Variants in PTN observed in about 807,000 individuals in gnomAD.
The protein encoded by PTN is heparin affin regulatory protein.
PTN carries 18 observed loss-of-function variants against 24.1 expected under a neutral mutation model. That is an observed-to-expected ratio of 0.75 (90% CI 0.52 to 1.11). The LOEUF (loss-of-function observed/expected upper bound fraction) is 1.11, where lower values mean the gene tolerates loss of function less well. Among genes scored for constraint, PTN ranks in the 50% least tolerant of loss-of-function variants. PTN has a pLI of 0.00. For missense variants in PTN, 163 were observed against 198.8 expected, an observed-to-expected ratio of 0.82 and a Z score of 1.08; for synonymous variants, 78 against 68.6, an observed-to-expected ratio of 1.14 and a Z score of -0.67.
chr7:137,268,054 G>C (rs899056403), intron 1 of PTN, among the ~76,000 whole-genome samples: 2 of 152,054 alleles, frequency 1.3e-5, no homozygotes, highest in Admixed American at 6.5e-5. Flanking sequence ...CAAATGAGTG[G>C]GCAAGTTCCA....
chr7:137,306,507 C>A (rs928364045), intron 1 of PTN, among the ~76,000 whole-genome samples: 5 of 151,996 alleles, frequency 3.3e-5, no homozygotes, highest in African/African-American at 9.7e-5. Flanking sequence ...AGTTTCCCAC[C>A]CCCTGGGAGC....
chr7:137,292,855 G>GT (rs1277480117), intron 1 of PTN, among the ~76,000 whole-genome samples: 1 of 152,156 alleles, frequency 6.6e-6, no homozygotes, highest in Non-Finnish European at 1.5e-5. Context: ...TTAGGGTCAA[G>GT]TGGGTGGGTG....
intron 1 of PTN, among the ~76,000 whole-genome samples, chr7:137,269,624 A>ATT (rs869311084): frequency 0.051 from 3,187 of 63,052 alleles, 749 homozygotes; most frequent in East Asian, 0.12. Context: ...TGCTTCATCT[A>ATT]TTTTTTTTTT....
chr7:137,301,412 A>C (rs1292953597), intron 1 of PTN, among the ~76,000 whole-genome samples: 2 of 151,960 alleles, frequency 1.3e-5, no homozygotes, highest in Non-Finnish European at 2.9e-5. Flanking sequence ...CATCATGGAC[A>C]ACTATGACAG....
At chr7:137,236,123 T>G (rs116953599) in intron 4 of PTN, 12,442 of 700,860 alleles carry the variant, frequency 0.018, 199 homozygotes, top group South Asian at 0.048. Flanking sequence ...AATATGTCAG[T>G]TATTTTTCAA....
Position 137,279,985 on chromosome 7 carries a change from A to C in PTN, c.-1-25011T>G, listed in dbSNP as rs570815657. Among the ~76,000 whole-genome samples, 8 of 152,334 alleles carry C rather than the reference A, an allele frequency of 5.3e-5. No homozygotes were observed. The South Asian group carries it at 1.7e-3, about 32-fold the overall frequency. ...TTATTGGACTTATCAAATTAATTGA[A>C]TATTTGATGAAAGGAGAAATCTAGG... On this transcript the variant is annotated intron_variant, in intron 1 of 4. Transcript: ENST00000348225.
intron 1 of PTN, among the ~76,000 whole-genome samples, chr7:137,281,191 A>G (rs1291680499): frequency 6.6e-6 from 1 of 152,166 alleles, no homozygotes; most frequent in African/African-American, 2.4e-5. Flanking sequence ...CATAGAATAT[A>G]AAGGAAAAGA....
chr7:137,340,893 T>C (rs1453526227), intron 1 of PTN, among the ~76,000 whole-genome samples: 1 of 152,144 alleles, frequency 6.6e-6, no homozygotes, highest in African/African-American at 2.4e-5. Context: ...CTGAGAGAAG[T>C]CAAGAACAAC....
chr7:137,340,424 T>A (rs1448825743), intron 1 of PTN, among the ~76,000 whole-genome samples: 2 of 152,228 alleles, frequency 1.3e-5, no homozygotes, highest in Non-Finnish European at 2.9e-5. Context: ...CTAGACTGGC[T>A]TGAAGTGGAT....
At chr7:137,242,323 T>C (rs1190147019) in intron 4 of PTN, among the ~76,000 whole-genome samples, 2 of 152,074 alleles carry the variant, frequency 1.3e-5, no homozygotes, top group Non-Finnish European at 1.5e-5. Flanking sequence ...CAGAAATAGC[T>C]GGAAAGGAAG....
chr7:137,266,404 T>C (rs1809145555), intron 1 of PTN, among the ~76,000 whole-genome samples: 1 of 152,212 alleles, frequency 6.6e-6, no homozygotes, highest in Non-Finnish European at 1.5e-5. Flanking sequence ...AAACTGTTTC[T>C]TCAATAGTAC....
Position 137,227,501 on chromosome 7 carries a change from T to C in PTN, c.*519A>G, listed in dbSNP as rs2128866497. 6.6e-6 allele frequency: 1 copy of C among 151,830 alleles called. No individual in the cohort carries two copies. The highest frequency in any genetic ancestry group is 2.1e-4 in the South Asian group (1 of 4,818). The allele number at this position is 151,830 out of a possible 1,614,324, so 9.4% of individuals were successfully genotyped here. On this transcript the variant is annotated 3_prime_UTR_variant, in exon 5 of 5. Transcript: ENST00000348225. ...AAAAAGTCAACATTGAACTAGGACA[T>C]GCTCTGCTTCCCCACCCCCATTTTG... is the stretch of plus-strand genomic sequence containing the variant.
intron 1 of PTN, among the ~76,000 whole-genome samples, chr7:137,263,846 G>T (rs913727414): frequency 6.6e-6 from 1 of 152,008 alleles, no homozygotes; most frequent in African/African-American, 2.4e-5. Flanking sequence ...ATAGCCTAGT[G>T]GGGGCCGTCC....
intron 1 of PTN, among the ~76,000 whole-genome samples, chr7:137,331,110 T>A (rs542921615): frequency 6.6e-6 from 1 of 152,314 alleles, no homozygotes; most frequent in African/African-American, 2.4e-5. Context: ...CTTGCTGCCT[T>A]TGACATAAAG....
intron 1 of PTN, among the ~76,000 whole-genome samples, chr7:137,317,848 C>T (rs1201477388): frequency 1.3e-5 from 2 of 152,060 alleles, no homozygotes; most frequent in African/African-American, 4.8e-5. Context: ...GCATGAGTGA[C>T]CAAAGACAGG....
At chr7:137,249,288 T>TGTGTGC (rs1808781087) in intron 4 of PTN, among the ~76,000 whole-genome samples, 1 of 151,694 alleles carries the variant, frequency 6.6e-6, no homozygotes, top group South Asian at 2.1e-4. Context: ...TGTGTGTGTG[T>TGTGTGC]GTGTGTGTGT....
intron 1 of PTN, among the ~76,000 whole-genome samples, chr7:137,260,876 G>A (rs1809024632): frequency 1.3e-5 from 2 of 152,102 alleles, no homozygotes; most frequent in Non-Finnish European, 2.9e-5. Flanking sequence ...GCAAAATGGT[G>A]ATATTCTCAT....
At chr7:137,308,331 G>A (rs1186142246) in intron 1 of PTN, among the ~76,000 whole-genome samples, 1 of 152,068 alleles carries the variant, frequency 6.6e-6, no homozygotes, top group Admixed American at 6.6e-5. Context: ...AGGAAAACTG[G>A]ACTTACCAAT....
At chr7:137,309,425 G>A (rs1809944966) in intron 1 of PTN, among the ~76,000 whole-genome samples, 1 of 152,132 alleles carries the variant, frequency 6.6e-6, no homozygotes, top group Non-Finnish European at 1.5e-5. Flanking sequence ...TGGGGTGGCT[G>A]TGGCAATTTC....
Sources: gnomAD v4.1 joint callset for allele counts (sites outside exome capture counted in the v4.1 genomes callset) on GRCh38, gnomAD v4.1.1 for gene constraint, MANE v1.5 for transcripts, NCBI Gene and HGNC (gene_info 2026-07-23, HGNC 2026-07-21) for gene names.